Variants in CADM2 observed in about 807,000 individuals in gnomAD.
CADM2 encodes immunoglobulin superfamily member 4D.
CADM2 carries 12 observed loss-of-function variants against 49.8 expected under a neutral mutation model. That is an observed-to-expected ratio of 0.24 (90% CI 0.15 to 0.39). The LOEUF (loss-of-function observed/expected upper bound fraction) is 0.39. Ranked by LOEUF, CADM2 falls within the 10% of genes least tolerant of loss-of-function variation. The pLI is 1.00. For synonymous variants in CADM2, 214 were observed against 175.4 expected (o/e 1.22, Z -1.74); for missense variants, 378 against 492.3 (o/e 0.77, Z 2.20).
At chr3:85,282,375 T>C (rs116030964) in intron 1 of CADM2, among the ~76,000 whole-genome samples, 9,876 of 149,484 alleles carry the variant, frequency 0.066, 1,096 homozygotes, top group African/African-American at 0.23. Context: ...GATTCTCCTG[T>C]CATAGCCTCC....
At chr3:85,641,234 A>C (rs2064700466) in intron 1 of CADM2, among the ~76,000 whole-genome samples, 1 of 152,222 alleles carries the variant, frequency 6.6e-6, no homozygotes, top group Admixed American at 6.5e-5. Flanking sequence ...TATATACACT[A>C]GTGATAGAAG....
intron 8 of CADM2, among the ~76,000 whole-genome samples, chr3:86,036,264 T>A (rs1735144468): frequency 6.6e-6 from 1 of 152,182 alleles, no homozygotes; most frequent in Admixed American, 6.6e-5. Context: ...TCCTTACTTC[T>A]CATCCTAGGT....
At chr3:84,989,306 A>G (rs554698010) in intron 1 of CADM2, among the ~76,000 whole-genome samples, 25 of 152,310 alleles carry the variant, frequency 1.6e-4, no homozygotes, top group Admixed American at 4.6e-4. Context: ...AACAGGTTTC[A>G]TTATAGTTGA....
rs143757703 is a variant in CADM2 at position 85,282,171 on chromosome 3, A to T, written c.61+322503A>T. ...AAATATTGACACATTCCAACAAGAA[A>T]ATCTGTCATTTTTTTTTAAATTAGA... On this transcript the variant is annotated intron_variant, in intron 1 of 9. Coordinates refer to ENST00000383699, the MANE Select transcript of CADM2 (RefSeq NM_001167675.2). 4.9e-3 allele frequency among the ~76,000 whole-genome samples: 746 copies of T among 151,808 alleles called. 7 individuals are homozygous for T. The highest frequency in any genetic ancestry group is 0.017 in the African/African-American group (722 of 41,480).
chr3:85,184,888 A>G (rs1026361638), intron 1 of CADM2, among the ~76,000 whole-genome samples: 2 of 152,174 alleles, frequency 1.3e-5, no homozygotes, highest in African/African-American at 4.8e-5. Flanking sequence ...AACTCTCTTC[A>G]AAACTTTGCA....
At chr3:85,098,480 T>G (rs2037887942) in intron 1 of CADM2, among the ~76,000 whole-genome samples, 1 of 152,140 alleles carries the variant, frequency 6.6e-6, no homozygotes. Context: ...ATGGATTAGA[T>G]GATATCAAAA....
In CADM2 at chr3:85,942,846, A is replaced by G. The variant is rs565487780; in HGVS notation, c.791+6989A>G. On this transcript the variant is annotated intron_variant, in intron 7 of 9. Transcript: ENST00000383699. The stretch of plus-strand genomic sequence containing the variant: ...ATAATTTATAGTCCTTTGGGTATAT[A>G]CCCAGTAATGGGATGGCTGGGTCAA... 2.0e-5 allele frequency among the ~76,000 whole-genome samples: 3 copies of G among 152,192 alleles called. No individual in the cohort carries two copies. The East Asian group carries it at 5.8e-4, about 30-fold the overall frequency.
intron 8 of CADM2, among the ~76,000 whole-genome samples, chr3:86,054,239 G>C (rs906566503): frequency 3.3e-5 from 5 of 151,966 alleles, no homozygotes; most frequent in Admixed American, 3.3e-4. Context: ...TATTGTAACT[G>C]AGAAACTGGT....
intron 1 of CADM2, among the ~76,000 whole-genome samples, chr3:85,501,900 C>T (rs1255099323): frequency 6.6e-6 from 1 of 152,034 alleles, no homozygotes; most frequent in African/African-American, 2.4e-5. Context: ...CCTTTCTTGT[C>T]CTTAAGCCAA....
intron 1 of CADM2, among the ~76,000 whole-genome samples, chr3:85,313,797 G>T (rs2044400363): frequency 1.3e-5 from 2 of 152,086 alleles, no homozygotes; most frequent in Admixed American, 6.6e-5. Flanking sequence ...ATTCTCTTTG[G>T]TTATGTTACT....
At chr3:85,183,824 T>C (rs1372404074) in intron 1 of CADM2, among the ~76,000 whole-genome samples, 2 of 152,118 alleles carry the variant, frequency 1.3e-5, no homozygotes, top group East Asian at 3.9e-4. Context: ...GTCTTACTAT[T>C]GTGACAGGGA....
At chr3:85,036,734 C>T (rs920555514) in intron 1 of CADM2, among the ~76,000 whole-genome samples, 1 of 152,044 alleles carries the variant, frequency 6.6e-6, no homozygotes, top group African/African-American at 2.4e-5. Flanking sequence ...TTAGTTATGT[C>T]TCTTATAACA....
intron 1 of CADM2, among the ~76,000 whole-genome samples, chr3:85,042,660 A>G (rs1451351486): frequency 6.6e-6 from 1 of 152,204 alleles, no homozygotes; most frequent in African/African-American, 2.4e-5. Context: ...CTCTATATGC[A>G]TTACAGCAGA....
intron 1 of CADM2, among the ~76,000 whole-genome samples, chr3:85,719,363 G>A (rs2067416951): frequency 6.6e-6 from 1 of 151,986 alleles, no homozygotes; most frequent in Admixed American, 6.6e-5. Context: ...TGGGGGTTAG[G>A]GCCACTGACT....
chr3:86,019,680 G>A (rs1023699015), intron 8 of CADM2, among the ~76,000 whole-genome samples: 2 of 152,038 alleles, frequency 1.3e-5, no homozygotes, highest in Non-Finnish European at 2.9e-5. Context: ...CTCTCTGTTT[G>A]TCTGTTGTTG....
At chr3:85,547,478 A>C (rs2061695975) in intron 1 of CADM2, among the ~76,000 whole-genome samples, 1 of 129,360 alleles carries the variant, frequency 7.7e-6, no homozygotes, top group Admixed American at 8.5e-5. Flanking sequence ...TGTCATAGAG[A>C]GCTGTTTGAT....
chr3:85,801,923 T>C, intron 2 of CADM2, 124 bp from the exon 3 acceptor site: 1 of 733,924 alleles, frequency 1.4e-6, no homozygotes, highest in South Asian at 2.3e-5. Flanking sequence ...TAATATACAG[T>C]TTTGTCGTTG....
intron 1 of CADM2, among the ~76,000 whole-genome samples, chr3:85,594,992 A>G (rs2063202677): frequency 6.6e-6 from 1 of 152,078 alleles, no homozygotes; most frequent in Non-Finnish European, 1.5e-5. Context: ...TTCATTTATT[A>G]GGACTCTGGG....
rs2071642276 is a variant in CADM2 at position 85,796,680 on chromosome 3, G to A, written c.89-5367G>A. Among the ~76,000 whole-genome samples the A allele has an allele frequency of 2.0e-5, 3 of 152,054 alleles. No individual in the cohort carries two copies. In the South Asian group the frequency reaches 6.2e-4, roughly 32 times the overall value. On this transcript the variant is annotated intron_variant, in intron 2 of 9. Coordinates refer to ENST00000383699, the MANE Select transcript of CADM2 (RefSeq NM_001167675.2). Reference sequence around the variant, plus strand: ...GAAATTTTCCCCTTCAGAATCTTCTGTCTCTTATGGTGCCAATCAACACAC... The same window carrying A: ...GAAATTTTCCCCTTCAGAATCTTCTATCTCTTATGGTGCCAATCAACACAC...
Sources: allele counts gnomAD v4.1 joint callset (sites outside exome capture counted in the v4.1 genomes callset), GRCh38; gene constraint gnomAD v4.1.1; transcripts MANE v1.5; gene names NCBI Gene and HGNC (gene_info 2026-07-23, HGNC 2026-07-21).